HDC: variants seen among roughly 807,000 people sequenced by gnomAD.
HDC encodes the protein histidine decarboxylase.
A neutral mutation model predicts 64.4 loss-of-function variants in HDC; 27 were observed. The ratio of observed to expected loss-of-function variants is 0.42; its 90% CI spans 0.31 to 0.58. HDC has a LOEUF of 0.58. Among genes scored for constraint, HDC ranks in the 20% least tolerant of loss-of-function variants. HDC has a pLI of 0.16. For missense variants in HDC, 711 were observed against 833.9 expected (o/e 0.85, Z 1.81); for synonymous variants, 305 against 314.2 (o/e 0.97, Z 0.31).
chr15:50,257,534 G>A lies in HDC; in HGVS notation c.332C>T (p.Ala111Val), dbSNP rs201124926. 563 of 1,613,950 alleles carry A rather than the reference G, an allele frequency of 3.5e-4. No homozygotes were observed. The highest frequency in any genetic ancestry group is 2.3e-4 in the Non-Finnish European group (267 of 1,179,954). The change falls in exon 4 of 12, where the codon GCG becomes GTG. Residue 111 changes from alanine to valine, a missense_variant. Around this residue, in one of 3 missense-constraint regions of HDC, gnomAD observed 225 missense variants for 276.2 expected, o/e 0.81. Coordinates refer to ENST00000267845, the MANE Select transcript of HDC (RefSeq NM_002112.4). ...CLGFTWASSP[A>V]CTELEMNVMD... ...GACGTTCATCTCCAGCTCTGTACAC[G>A]CAGGGCTGGATGCCTGAGAAAGGAA...
rs1660631450 is a variant in HDC at position 50,264,531 on chromosome 15, T to TA, written c.31+1061dup. Among the ~76,000 whole-genome samples the TA allele has an allele frequency of 2.0e-5, 3 of 152,324 alleles. No individual in the cohort carries two copies. In the South Asian group the frequency reaches 6.2e-4, roughly 32 times the overall value. On this transcript the variant is annotated intron_variant, in intron 1 of 11. Coordinates refer to ENST00000267845, the MANE Select transcript of HDC (RefSeq NM_002112.4). ...AAAGTCAAGTTGAACACTCTGAAAC[T>TA]ATTGCAAATTATTTATTCTTTCAGA...
chr15:50,257,895 C>T (rs1202138523), intron 3 of HDC, among the ~76,000 whole-genome samples: 2 of 139,802 alleles, frequency 1.4e-5, no homozygotes, highest in Non-Finnish European at 3.1e-5. Context: ...GATATGAATA[C>T]CCCCGCCCAC....
chr15:50,261,226 G>A lies in HDC; in HGVS notation c.204+2009C>T, dbSNP rs140715758. Among the ~76,000 whole-genome samples, 8 of 152,268 alleles carry A rather than the reference G, an allele frequency of 5.3e-5. No homozygotes were observed. The East Asian group carries it at 1.5e-3, about 29-fold the overall frequency. ...CAAACAGACCTCTTTCCAGAAATGA[G>A]CCTCACCGACCATACCCACAGCAAC... On this transcript the variant is annotated intron_variant, in intron 2 of 11. Coordinates refer to ENST00000267845, the MANE Select transcript of HDC (RefSeq NM_002112.4).
chr15:50,262,793 G>C (rs977223726), intron 2 of HDC, among the ~76,000 whole-genome samples: 24 of 152,132 alleles, frequency 1.6e-4, no homozygotes, highest in Non-Finnish European at 2.9e-5. Flanking sequence ...CCTTCTCTTT[G>C]GTGTGGTCTC....
chr15:50,265,295 G>T (rs1283761449), intron 1 of HDC, among the ~76,000 whole-genome samples: 1 of 152,110 alleles, frequency 6.6e-6, no homozygotes, highest in Non-Finnish European at 1.5e-5. Context: ...CCATCTAGTG[G>T]CTCAGGGATC....
chr15:50,250,953 G>A lies in HDC; in HGVS notation c.1041+1477C>T, dbSNP rs577621356. On this transcript the variant is annotated intron_variant, in intron 9 of 11. Coordinates refer to ENST00000267845, the MANE Select transcript of HDC (RefSeq NM_002112.4). ...ATAGCCAGTATAATCAAGTGATGAC[G>A]AAGCTATTATTTTAAGACTAAAAGG... 2.4e-4 allele frequency among the ~76,000 whole-genome samples: 37 copies of A among 152,302 alleles called. 1 individual carries two copies. The South Asian group carries it at 7.1e-3, about 29-fold the overall frequency.
chr15:50,252,530 T>G lies in HDC; in HGVS notation c.951-10A>C, dbSNP rs756314459. On this transcript the variant is annotated splice_polypyrimidine_tract_variant and intron_variant, in intron 8 of 11. Coordinates refer to ENST00000267845, the MANE Select transcript of HDC (RefSeq NM_002112.4). Reference sequence around the variant, plus strand: ...GTACTTGTCCTTGACCCTGTGGGTTTCCAAATGGGCATTAGTGGCTGAGGT... The same window carrying G: ...GTACTTGTCCTTGACCCTGTGGGTTGCCAAATGGGCATTAGTGGCTGAGGT... The G allele has an allele frequency of 1.2e-6, 2 of 1,614,174 alleles. No individual in the cohort carries two copies. Among genetic ancestry groups the G allele is most frequent in the South Asian group, 2.2e-5 (2 of 91,086 alleles).
At chr15:50,250,316 G>T (rs1268956495) in intron 9 of HDC, among the ~76,000 whole-genome samples, 2 of 152,200 alleles carry the variant, frequency 1.3e-5, no homozygotes. Context: ...TCATGAAAAA[G>T]ATAGCAACTT....
intron 1 of HDC, among the ~76,000 whole-genome samples, chr15:50,264,233 T>G (rs1367236431): frequency 1.3e-5 from 2 of 152,174 alleles, no homozygotes; most frequent in Non-Finnish European, 2.9e-5. Flanking sequence ...TTTTTTGGAC[T>G]CATATGAGGA....
intron 6 of HDC, 117 bp downstream of exon 6, chr15:50,254,013 G>T: frequency 1.9e-6 from 2 of 1,077,042 alleles, no homozygotes; most frequent in African/African-American, 1.5e-5. Flanking sequence ...GTAAAATACT[G>T]TATGGGAGGA....
In HDC at chr15:50,248,515, C is replaced by T. The variant is rs1225720857; in HGVS notation, c.1042-172G>A. Reference sequence around the variant, plus strand: ...CCAAGCTCCCCAAGGGTTGCCCCATCGTGTGACCAAATCACTGATGAAGGT... The same window carrying T: ...CCAAGCTCCCCAAGGGTTGCCCCATTGTGTGACCAAATCACTGATGAAGGT... On this transcript the variant is annotated intron_variant, in intron 9 of 11. Coordinates refer to ENST00000267845, the MANE Select transcript of HDC (RefSeq NM_002112.4). This position sits in a 1 kb window ranked among gnomAD's most constrained non-coding sequence, Gnocchi z 4.3. Among the ~76,000 whole-genome samples the T allele has an allele frequency of 6.6e-6, 1 of 152,078 alleles. No homozygotes were observed. The highest frequency in any genetic ancestry group is 1.5e-5 in the Non-Finnish European group (1 of 68,008).
In HDC at chr15:50,254,776, C is replaced by CTCTGTGTG. The variant is rs542486289; in HGVS notation, c.442-113_442-112insCACACAGA. 21 of 826,450 alleles carry CTCTGTGTG rather than the reference C, an allele frequency of 2.5e-5. No individual in the cohort carries two copies. The African/African-American group carries it at 3.6e-4, about 14-fold the overall frequency. The allele number at this position is 826,450 out of a possible 1,614,324, so 51.2% of individuals were successfully genotyped here. ...TCTCTCTCTCTCTCTCTCTCTCTCT[C>CTCTGTGTG]TGTGTGTGTATGTGTTTGTGTATGT... is the stretch of plus-strand genomic sequence containing the variant. On this transcript the variant is annotated intron_variant, in intron 4 of 11. Transcript: ENST00000267845.
chr15:50,265,334 G>A (rs2045753347), intron 1 of HDC, among the ~76,000 whole-genome samples: 1 of 152,126 alleles, frequency 6.6e-6, no homozygotes, highest in Non-Finnish European at 1.5e-5. Context: ...GGAAAGTGGG[G>A]AGGAAAAGCA....
intron 10 of HDC, among the ~76,000 whole-genome samples, chr15:50,245,784 A>G (rs777290443): frequency 1.4e-4 from 21 of 152,074 alleles, no homozygotes; most frequent in Non-Finnish European, 3.1e-4. Flanking sequence ...AGTCCCAGCT[A>G]CTCAGGAGGC....
At chr15:50,255,971 A>G (rs74012303) in intron 4 of HDC, among the ~76,000 whole-genome samples, 5,985 of 152,276 alleles carry the variant, frequency 0.039, 429 homozygotes, top group African/African-American at 0.14. Context: ...GACTAACTCA[A>G]GTTCACATGG....
chr15:50,248,143 C>T lies in HDC; in HGVS notation c.1140+102G>A. On this transcript the variant is annotated intron_variant, in intron 10 of 11. Transcript: ENST00000267845. The surrounding 1 kb of genome is among the most constrained non-coding windows in gnomAD (Gnocchi z 4.3). ...CAGGCCCAGACACCTGAACCACACA[C>T]CGCAAGTCTCCTAGGCAGATCTGCA... 1 of 796,704 alleles carries T rather than the reference C, an allele frequency of 1.3e-6. No homozygotes were observed. Among genetic ancestry groups the T allele is most frequent in the South Asian group, 1.4e-5 (1 of 69,190 alleles). 49.4% of individuals were successfully genotyped at this position (796,704 alleles called of 1,614,324 possible). A position where few individuals can be genotyped will look rare whatever the true frequency, so the allele number is the denominator to read the frequency against.
At chr15:50,250,624 C>T (rs1298396111) in intron 9 of HDC, among the ~76,000 whole-genome samples, 1 of 152,172 alleles carries the variant, frequency 6.6e-6, no homozygotes, top group Non-Finnish European at 1.5e-5. Context: ...TAATGCTCCT[C>T]AGTTATGATG....
Position 50,263,183 on chromosome 15 carries a change from AC to A in HDC, c.204+51del, listed in dbSNP as rs2045726144. Reference sequence around the variant, plus strand: ...CAGGTCTTTCTCCAGGCCACCACCCACCCTTCTGTGCCCTGAAATCCAGAAC... The same window carrying A: ...CAGGTCTTTCTCCAGGCCACCACCCACCTTCTGTGCCCTGAAATCCAGAAC... On this transcript the variant is annotated intron_variant, in intron 2 of 11. Coordinates refer to ENST00000267845, the MANE Select transcript of HDC (RefSeq NM_002112.4). 15 of 1,584,800 alleles carry A rather than the reference AC, an allele frequency of 9.5e-6. No homozygotes were observed. In the South Asian group the frequency reaches 1.7e-4, roughly 18 times the overall value.
chr15:50,264,297 T>A (rs762221432), intron 1 of HDC, among the ~76,000 whole-genome samples: 4 of 152,184 alleles, frequency 2.6e-5, no homozygotes, highest in Admixed American at 6.5e-5. Context: ...CAGAACTTTG[T>A]GTATAATTTC....
Sources: allele counts gnomAD v4.1 joint callset (sites outside exome capture counted in the v4.1 genomes callset), GRCh38; gene constraint gnomAD v4.1.1; regional missense constraint gnomAD v4.1.1; non-coding constraint Gnocchi (gnomAD v3.1); transcripts MANE v1.5; gene names NCBI Gene and HGNC (gene_info 2026-07-23, HGNC 2026-07-21).